Variants in MROH2B observed in about 807,000 individuals in gnomAD.
MROH2B encodes maestro heat like repeat family member 2B.
Under a neutral mutation model 208.6 loss-of-function variants are expected in MROH2B, and 177 were observed. That is an observed-to-expected ratio of 0.85 (90% confidence interval 0.75 to 0.96). MROH2B has a LOEUF of 0.96. MROH2B is among the 40% of genes least tolerant of loss of function. MROH2B has a pLI of 0.00. For synonymous variants in MROH2B, 728 were observed against 659.0 expected (o/e 1.10, Z -1.60); for missense variants, 2,002 against 1,878.7 (o/e 1.07, Z -1.21).
chr5:41,005,429 A>G (rs1412011388), intron 35 of MROH2B, 102 bp downstream of exon 35: 2 of 63,640 alleles, frequency 3.1e-5, no homozygotes, highest in East Asian at 2.5e-4. Context: ...CCCCCCCTTG[A>G]AGTCTCTCTT....
chr5:41,007,253 T>C (rs1230332739), intron 34 of MROH2B, 61 bp downstream of exon 34: 76 of 1,356,624 alleles, frequency 5.6e-5, no homozygotes, highest in Non-Finnish European at 7.2e-5. Context: ...ATTGCACTTT[T>C]GTTTGTTTGT....
rs1238431950 is a variant in MROH2B at position 41,049,359 on chromosome 5, G to A, written c.1422C>T (p.Ile474=). 5 of 1,613,772 alleles carry A rather than the reference G, an allele frequency of 3.1e-6. No individual in the cohort carries two copies. Among genetic ancestry groups the A allele is most frequent in the African/African-American group, 1.3e-5 (1 of 75,034 alleles). The part of the protein sequence containing the change: ...TEALEPLFSI[I]RILIMAEEKK... ...TCTCCTCTGCCATAATCAGAATTCT[G>A]ATGATACTAAACAGGGGCTCCAGAG... Residue 474 remains isoleucine, a synonymous_variant, in exon 14 of 42, where the codon ATC becomes ATT. Coordinates refer to ENST00000399564, the MANE Select transcript of MROH2B (RefSeq NM_173489.5).
rs762503763 is a variant in MROH2B at position 40,999,752 on chromosome 5, T to A, written c.4510A>T (p.Ile1504Phe). Residue 1504 changes from isoleucine (I) to phenylalanine (F), a missense_variant, in exon 40 of 42, where the codon ATC becomes TTC. Ile to Phe is a conservative substitution (Grantham distance 21). Transcript: ENST00000399564. ...LAKKNQEILW[I>F]LHTHSFTFFT... ...AAGGTGAAGGAGTGTGTGTGGAGGA[T>A]CCACAGAATTTCCTGGTTTTTCTTG... 2.5e-5 allele frequency: 40 copies of A among 1,613,450 alleles called. 1 individual carries two copies. In the South Asian group the frequency reaches 4.4e-4, roughly 18 times the overall value.
rs200913041 is a variant in MROH2B at position 41,026,592 on chromosome 5, G to A, written c.2441+6150C>T. Among the ~76,000 whole-genome samples, 17 of 152,238 alleles carry A rather than the reference G, an allele frequency of 1.1e-4. No individual in the cohort carries two copies. In the South Asian group the frequency reaches 1.2e-3, roughly 11 times the overall value. ...CTCATGGATAGGAAGAATCAATATC[G>A]TGAAAATGGCCATACTGCCCAAGGT... On this transcript the variant is annotated intron_variant, in intron 24 of 41. Coordinates refer to ENST00000399564, the MANE Select transcript of MROH2B (RefSeq NM_173489.5).
intron 37 of MROH2B, among the ~76,000 whole-genome samples, chr5:41,003,371 A>G (rs1319698398): frequency 6.6e-6 from 1 of 152,178 alleles, no homozygotes; most frequent in Non-Finnish European, 1.5e-5. Flanking sequence ...AAAATACGAA[A>G]CTGAAGAATG....
chr5:41,026,784 AC>A (rs1742377123), intron 24 of MROH2B, among the ~76,000 whole-genome samples: 1 of 152,224 alleles, frequency 6.6e-6, no homozygotes, highest in Non-Finnish European at 1.5e-5. Context: ...CTGACTTTAA[AC>A]TACACTACAA....
chr5:41,046,289 A>G (rs1478406934), intron 17 of MROH2B, among the ~76,000 whole-genome samples: 1 of 151,902 alleles, frequency 6.6e-6, no homozygotes, highest in Non-Finnish European at 1.5e-5. Flanking sequence ...TAAATGTCTT[A>G]AAGAACAGGC....
chr5:41,064,666 C>G (rs62360761), intron 4 of MROH2B, 96 bp from the exon 5 acceptor site: 12,845 of 828,734 alleles, frequency 0.015, 209 homozygotes, highest in Non-Finnish European at 0.016. Context: ...CAGGGCTGCA[C>G]GGAGGAGGCA....
At chr5:41,007,166 C>T (rs1741622506) in intron 34 of MROH2B, 148 bp downstream of exon 34, 8 of 715,660 alleles carry the variant, frequency 1.1e-5, no homozygotes, top group Non-Finnish European at 1.4e-5. Flanking sequence ...TTCCCATTCC[C>T]TTTTCTTTCT....
intron 39 of MROH2B, 189 bp from the exon 40 acceptor site, chr5:40,999,968 G>A (rs1297972214): frequency 4.4e-6 from 3 of 680,096 alleles, no homozygotes; most frequent in Non-Finnish European, 7.4e-6. Context: ...AGAGTTTAAG[G>A]GATTAATCAA....
At chr5:41,048,150 G>T in intron 16 of MROH2B, 174 bp downstream of exon 16, 1 of 681,970 alleles carries the variant, frequency 1.5e-6, no homozygotes, top group Non-Finnish European at 2.2e-6. Flanking sequence ...ATGAATATTG[G>T]CAAGAAACAG....
chr5:41,051,133 G>A (rs1056322647), intron 12 of MROH2B, 43 bp from the exon 13 acceptor site: 3 of 1,344,146 alleles, frequency 2.2e-6, no homozygotes, highest in African/African-American at 1.5e-5. Flanking sequence ...TGACTCCTAA[G>A]GTTGGTCCCC....
rs184485921 is a variant in MROH2B, at chr5:41,015,556, T to A, written c.2885-78A>T. On this transcript the variant is annotated intron_variant, in intron 28 of 41. Coordinates refer to ENST00000399564, the MANE Select transcript of MROH2B (RefSeq NM_173489.5). ...TGAAGAGGCTGGCTATATTTTGATA[T>A]GACACTAAATTAGCTGCTGTCTGAT... The A allele has an allele frequency of 8.4e-4, 1,061 of 1,258,524 alleles. 1 individual carries two copies. The highest frequency in any genetic ancestry group is 7.3e-4 in the Non-Finnish European group (642 of 881,014). 78.0% of individuals were successfully genotyped at this position (1,258,524 alleles called of 1,614,324 possible). A position where few individuals can be genotyped will look rare whatever the true frequency, so the allele number is the denominator to read the frequency against.
At chr5:41,030,000 T>A (rs976248195) in intron 24 of MROH2B, among the ~76,000 whole-genome samples, 1 of 152,000 alleles carries the variant, frequency 6.6e-6, no homozygotes, top group South Asian at 2.1e-4. Flanking sequence ...TCAAAGGATA[T>A]AATCAGCAGA....
chr5:41,046,830 T>C (rs1234632861), intron 17 of MROH2B, among the ~76,000 whole-genome samples: 2 of 152,004 alleles, frequency 1.3e-5, no homozygotes, highest in Non-Finnish European at 2.9e-5. Context: ...GAACCATAAA[T>C]ATAGGAGGAG....
chr5:40,998,648 A>G lies in MROH2B; in HGVS notation c.4615T>C (p.Tyr1539His), dbSNP rs1384192356. 3.1e-6 allele frequency: 5 copies of G among 1,593,756 alleles called. No individual in the cohort carries two copies. Among genetic ancestry groups the G allele is most frequent in the Non-Finnish European group, 3.4e-6 (4 of 1,169,406 alleles). ...TGTTCTCTGTCTAGTAACTCCACAT[A>G]TTGGCTGGTCAAATTGAGAACAACG... is the stretch of plus-strand genomic sequence containing the variant. ...DAVVLNLTSQYVELLDREQLT... is the reference protein window; with the variant it reads ...DAVVLNLTSQHVELLDREQLT... Residue 1539 changes from tyrosine (Y) to histidine (H), a missense_variant, in exon 41 of 42, where the codon TAT becomes CAT. Tyr to His is a moderately conservative substitution (Grantham distance 83). Coordinates refer to ENST00000399564, the MANE Select transcript of MROH2B (RefSeq NM_173489.5).
chr5:41,009,172 GAGA>G (rs1316991425), intron 32 of MROH2B, 105 bp downstream of exon 32: 5 of 1,429,332 alleles, frequency 3.5e-6, no homozygotes, highest in Non-Finnish European at 4.8e-6. Flanking sequence ...TAGGGTATGA[GAGA>G]AGAAGGAGGT....
intron 34 of MROH2B, among the ~76,000 whole-genome samples, chr5:41,007,044 A>G: frequency 6.6e-6 from 1 of 152,362 alleles, no homozygotes; most frequent in Non-Finnish European, 1.5e-5. Flanking sequence ...AATTCTAGGT[A>G]TGTGAATATT....
At chr5:41,049,234 A>T (rs1743211788) in intron 14 of MROH2B, 46 bp downstream of exon 14, 2 of 1,610,906 alleles carry the variant, frequency 1.2e-6, no homozygotes, top group Non-Finnish European at 1.7e-6. Flanking sequence ...CTGGAAATGG[A>T]TCCCTCATAA....
Sources: gnomAD v4.1 joint callset for allele counts (sites outside exome capture counted in the v4.1 genomes callset) on GRCh38, gnomAD v4.1.1 for gene constraint, MANE v1.5 for transcripts, NCBI Gene and HGNC (gene_info 2026-07-23, HGNC 2026-07-21) for gene names.